The following SFMBT2 variants were observed in gnomAD, a reference collection of about 807,000 sequenced individuals.
SFMBT2 encodes scm-like with four MBT domains protein 2.
A neutral mutation model predicts 110.1 loss-of-function variants in SFMBT2; 38 were observed. The observed-to-expected ratio is 0.35, with a 90% CI of 0.27 to 0.45. SFMBT2 has a LOEUF of 0.45. SFMBT2 is among the 20% of genes least tolerant of loss of function. The pLI is 1.00. For missense variants in SFMBT2, 1,011 were observed against 1,094.9 expected, an observed-to-expected ratio of 0.92 and a Z score of 1.08; for synonymous variants, 425 against 425.4, an observed-to-expected ratio of 1.00 and a Z score of 0.01.
chr10:7,373,314 A>T (rs931169120), intron 2 of SFMBT2, among the ~76,000 whole-genome samples: 2 of 152,182 alleles, frequency 1.3e-5, no homozygotes, highest in Non-Finnish European at 2.9e-5. Flanking sequence ...CCCTCACCAG[A>T]TGCAGCTGCC....
At chr10:7,216,905 C>CT (rs1257394547) in intron 11 of SFMBT2, among the ~76,000 whole-genome samples, 21 of 152,220 alleles carry the variant, frequency 1.4e-4, no homozygotes, top group Non-Finnish European at 4.4e-5. Flanking sequence ...ACCAGCCCCT[C>CT]TATCAACTAA....
chr10:7,165,583 TGTGA>T (rs769574244), intron 20 of SFMBT2, among the ~76,000 whole-genome samples: 5 of 152,252 alleles, frequency 3.3e-5, no homozygotes, highest in Non-Finnish European at 5.9e-5. Context: ...AAAGTATCAA[TGTGA>T]GTGTCATTTT....
chr10:7,213,737 T>A (rs1839435420), intron 11 of SFMBT2, among the ~76,000 whole-genome samples: 2 of 149,596 alleles, frequency 1.3e-5, no homozygotes, highest in African/African-American at 4.9e-5. Context: ...GCGCGGGCAC[T>A]CAGATCCGTG....
chr10:7,206,602 T>A, intron 11 of SFMBT2: 1 of 984,552 alleles, frequency 1.0e-6, no homozygotes, highest in Non-Finnish European at 1.2e-6. Flanking sequence ...GTCTAAAAGA[T>A]CCCACTAAAA....
chr10:7,228,024 G>A, intron 9 of SFMBT2, 87 bp from the exon 10 acceptor site: 1 of 914,234 alleles, frequency 1.1e-6, no homozygotes, highest in Non-Finnish European at 1.7e-6. Flanking sequence ...GAAAGTTTAG[G>A]CTCCCAAAAG....
chr10:7,164,784 CACACACA>C (rs747019450), intron 20 of SFMBT2, among the ~76,000 whole-genome samples: 73 of 148,356 alleles, frequency 4.9e-4, no homozygotes, highest in Admixed American at 1.6e-3. Flanking sequence ...CACACACACA[CACACACA>C]CCATTTACAG....
chr10:7,373,288 C>T (rs961014864), intron 2 of SFMBT2, among the ~76,000 whole-genome samples: 12 of 152,298 alleles, frequency 7.9e-5, no homozygotes, highest in Admixed American at 1.3e-4. Context: ...CTGCCAAGAG[C>T]GGGAACAGCC....
chr10:7,172,116 C>A lies in SFMBT2; in HGVS notation c.2194G>T (p.Ala732Ser). The change falls in exon 19 of 21, where the codon GCC becomes TCC. Residue 732 changes from alanine to serine, a missense_variant. Ala to Ser is a moderately conservative substitution (Grantham distance 99). Around this residue, in one of 2 missense-constraint regions of SFMBT2, gnomAD observed 979 missense variants for 1,016.1 expected, o/e 0.96. Transcript: ENST00000397167. The surrounding 1 kb of genome is among the most constrained non-coding windows in gnomAD (Gnocchi z 4.6). Reference protein sequence around the residue: ...EDADAMDDDTASEETGSELRD... With the variant: ...EDADAMDDDTSSEETGSELRD... ...AGCTCGGAGCCGGTCTCCTCACTGG[C>A]GGTGTCATCGTCCATGGCGTCAGCG... is the stretch of plus-strand genomic sequence containing the variant. 1 of 1,587,334 alleles carries A rather than the reference C, an allele frequency of 6.3e-7. No homozygotes were observed. The highest frequency in any genetic ancestry group is 1.1e-5 in the South Asian group (1 of 88,798).
At position 7,248,666 on chromosome 10, in the gene SFMBT2, G is replaced by T. The variant is rs1840700494; in HGVS notation, c.871-17C>A. ...TGCGTGATCCTGCAGGGAGAAAGAT[G>T]AAAATATTGAAAGCCACGGTATTGT... On this transcript the variant is annotated splice_polypyrimidine_tract_variant and intron_variant, in intron 7 of 20. Transcript: ENST00000397167. The T allele has an allele frequency of 6.2e-7, 1 of 1,610,246 alleles. No individual in the cohort carries two copies. Among genetic ancestry groups the T allele is most frequent in the African/African-American group, 1.3e-5 (1 of 74,852 alleles).
intron 11 of SFMBT2, among the ~76,000 whole-genome samples, chr10:7,218,597 C>G (rs574107623): frequency 2.0e-5 from 3 of 152,260 alleles, no homozygotes; most frequent in African/African-American, 7.2e-5. Context: ...CTAACACTAA[C>G]TAATTTTCAT....
chr10:7,208,353 T>C (rs780888087), intron 11 of SFMBT2, among the ~76,000 whole-genome samples: 1 of 152,214 alleles, frequency 6.6e-6, no homozygotes, highest in Non-Finnish European at 1.5e-5. Flanking sequence ...AATATATTTA[T>C]CTTTCCAGAT....
intron 12 of SFMBT2, chr10:7,202,948 A>G (rs1839005879): frequency 1.4e-5 from 14 of 985,448 alleles, no homozygotes; most frequent in Non-Finnish European, 1.7e-5. Context: ...AGAGGCATGC[A>G]TTTCAACTAA....
chr10:7,337,632 T>C (rs1374175631), intron 4 of SFMBT2, among the ~76,000 whole-genome samples: 1 of 152,192 alleles, frequency 6.6e-6, no homozygotes, highest in African/African-American at 2.4e-5. Context: ...TCCCAAGCCA[T>C]GCTTCCTGTA....
intron 16 of SFMBT2, 172 bp from the exon 17 acceptor site, chr10:7,176,337 T>A: frequency 1.9e-6 from 1 of 535,934 alleles, no homozygotes; most frequent in Non-Finnish European, 2.4e-6. Flanking sequence ...TAAGAAGTGC[T>A]CACTAGTGTG....
chr10:7,346,316 T>C (rs1844108137), intron 4 of SFMBT2, among the ~76,000 whole-genome samples: 1 of 152,232 alleles, frequency 6.6e-6, no homozygotes, highest in South Asian at 2.1e-4. Context: ...TTTATGATGC[T>C]GTGTCTTGGT....
intron 7 of SFMBT2, among the ~76,000 whole-genome samples, chr10:7,263,186 A>G (rs891548580): frequency 6.6e-6 from 1 of 151,860 alleles, no homozygotes; most frequent in African/African-American, 2.4e-5. Context: ...AGGGACATGC[A>G]CCAGTCTGCT....
chr10:7,248,897 A>C (rs1301428098), intron 7 of SFMBT2: 1 of 167,714 alleles, frequency 6.0e-6, no homozygotes, highest in Non-Finnish European at 1.2e-5. Flanking sequence ...ACTAAGCAAA[A>C]GTTCACATGA....
intron 2 of SFMBT2, among the ~76,000 whole-genome samples, chr10:7,378,693 C>T (rs1163615369): frequency 8.5e-5 from 9 of 105,522 alleles, no homozygotes; most frequent in Admixed American, 1.0e-4. Flanking sequence ...GGTGGATGGT[C>T]GGGTGTGTGC....
intron 16 of SFMBT2, among the ~76,000 whole-genome samples, chr10:7,186,054 T>TCAAATATTA (rs1485398923): frequency 6.6e-6 from 1 of 152,152 alleles, no homozygotes; most frequent in Non-Finnish European, 1.5e-5. Flanking sequence ...CCTCACAAGT[T>TCAAATATTA]CAAATATTGC....
Sources: allele counts gnomAD v4.1 joint callset (sites outside exome capture counted in the v4.1 genomes callset), GRCh38; gene constraint gnomAD v4.1.1; regional missense constraint gnomAD v4.1.1; non-coding constraint Gnocchi (gnomAD v3.1); transcripts MANE v1.5; gene names NCBI Gene and HGNC (gene_info 2026-07-23, HGNC 2026-07-21).